ABCC11: variants seen among roughly 807,000 people sequenced by gnomAD.
ABCC11 encodes ATP binding cassette subfamily C member 11, also known as ATP-binding cassette sub-family C member 11.
In ABCC11, 135 loss-of-function variants were observed where a neutral mutation model predicts 149.3. The observed-to-expected ratio is 0.90, with a 90% CI of 0.79 to 1.04. ABCC11 has a LOEUF of 1.04. ABCC11 is among the 50% of genes least tolerant of loss of function. ABCC11 has a pLI of 0.00. For synonymous variants in ABCC11, 665 were observed against 671.4 expected (o/e 0.99, Z 0.15); for missense variants, 1,680 against 1,722.1 (o/e 0.98, Z 0.43).
At chr16:48,231,345 T>C (rs138774792) in intron 2 of ABCC11, among the ~76,000 whole-genome samples, 1 of 151,996 alleles carries the variant, frequency 6.6e-6, no homozygotes, top group Non-Finnish European at 1.5e-5. Context: ...ATTGATCTCA[T>C]TGTGGAAGCC....
intron 23 of ABCC11, among the ~76,000 whole-genome samples, chr16:48,181,286 T>C (rs1346851066): frequency 1.3e-5 from 2 of 152,232 alleles, no homozygotes; most frequent in Non-Finnish European, 2.9e-5. Context: ...AGAGAGAATG[T>C]GAGCCTGTGC....
In ABCC11 at chr16:48,214,911, T is replaced by C; in HGVS notation, c.1218A>G (p.Thr406=). The C allele has an allele frequency of 6.2e-7, 1 of 1,614,180 alleles. No individual in the cohort carries two copies. The highest frequency in any genetic ancestry group is 8.5e-7 in the Non-Finnish European group (1 of 1,180,028). ...ACGCTGTGAGTTTCAGCTTTAAGGA[T>C]GTGTGGATGAGAACCCAGACCGCTG... ...VATAVWVLIH[T]SLKLKLTASM... The change falls in exon 9 of 30, where the codon ACA becomes ACG. Residue 406 remains threonine (T), a synonymous_variant. Transcript: ENST00000356608.
intron 14 of ABCC11, 22 bp from the exon 15 acceptor site, chr16:48,200,501 C>T (rs1435887285): frequency 6.2e-7 from 1 of 1,610,778 alleles, no homozygotes; most frequent in African/African-American, 1.3e-5. Flanking sequence ...CAGTAAAAGG[C>T]ACCATGTCCA....
In ABCC11 at chr16:48,175,329, G is replaced by C. The variant is rs375441848; in HGVS notation, c.3627C>G (p.Ile1209Met). ...ILIDGVDICS[I>M]GLEDLRSKLS... ...GCTTGGACCGCAAGTCCTCCAGGCC[G>C]ATGCTGCAAATGTCCACGCCGTCAA... Residue 1209 changes from isoleucine (I) to methionine (M), a missense_variant, in exon 26 of 30, where the codon ATC becomes ATG. Coordinates refer to ENST00000356608, the MANE Select transcript of ABCC11 (RefSeq NM_001370497.1). 2 of 1,614,050 alleles carry C rather than the reference G, an allele frequency of 1.2e-6. No homozygotes were observed. Among genetic ancestry groups the C allele is most frequent in the African/African-American group, 2.7e-5 (2 of 74,946 alleles).
chr16:48,203,425 T>A, intron 13 of ABCC11, 125 bp from the exon 14 acceptor site: 1 of 772,840 alleles, frequency 1.3e-6, no homozygotes, highest in Non-Finnish European at 2.0e-6. Flanking sequence ...TGTTTAATGG[T>A]ATAACACTGA....
At chr16:48,217,188 G>C (rs1969401803) in intron 6 of ABCC11, among the ~76,000 whole-genome samples, 1 of 152,024 alleles carries the variant, frequency 6.6e-6, no homozygotes, top group Admixed American at 6.5e-5. Flanking sequence ...CCAGAGAATT[G>C]CTTCTATTCT....
chr16:48,221,733 T>G (rs568684610), intron 6 of ABCC11, among the ~76,000 whole-genome samples: 36 of 147,370 alleles, frequency 2.4e-4, no homozygotes, highest in South Asian at 2.1e-3. Flanking sequence ...CAGTAACTAT[T>G]TGGGGTGTGT....
At chr16:48,183,309 G>A (rs897284411) in intron 23 of ABCC11, among the ~76,000 whole-genome samples, 2 of 152,230 alleles carry the variant, frequency 1.3e-5, no homozygotes, top group African/African-American at 4.8e-5. Context: ...CTTCACGGAT[G>A]CCCCTTCTGT....
intron 1 of ABCC11, among the ~76,000 whole-genome samples, chr16:48,237,777 C>T (rs8054117): frequency 0.13 from 19,592 of 152,008 alleles, 1,525 homozygotes; most frequent in African/African-American, 0.23. Context: ...CTCAAACACC[C>T]TAAATTCATT....
In ABCC11 at chr16:48,203,227, C is replaced by T. The variant is rs140932063; in HGVS notation, c.1878+1G>A. On this transcript the variant is annotated splice_donor_variant, in intron 14 of 29. Coordinates refer to ENST00000356608, the MANE Select transcript of ABCC11 (RefSeq NM_001370497.1). LOFTEE classifies it high-confidence loss of function. ...AGAAGGCAGGCTCGCCTCCCTCTCA[C>T]CTCTGTCATGTCTCCAAAGGGCAGA... is the stretch of plus-strand genomic sequence containing the variant. 5.1e-5 allele frequency: 80 copies of T among 1,570,768 alleles called. No homozygotes were observed. In the African/African-American group the frequency reaches 8.4e-4, roughly 16 times the overall value.
intron 1 of ABCC11, among the ~76,000 whole-genome samples, chr16:48,247,031 A>G (rs1971424963): frequency 6.6e-6 from 1 of 152,312 alleles, no homozygotes; most frequent in Non-Finnish European, 1.5e-5. Flanking sequence ...AATCATTTAA[A>G]TTAGAAAACA....
chr16:48,236,597 T>C (rs9934833), intron 1 of ABCC11, among the ~76,000 whole-genome samples: 19,902 of 152,168 alleles, frequency 0.13, 1,614 homozygotes, highest in African/African-American at 0.23. Flanking sequence ...AAATATTCAA[T>C]GGATCAATGA....
intron 4 of ABCC11, among the ~76,000 whole-genome samples, chr16:48,227,605 T>C (rs1268758009): frequency 6.6e-6 from 1 of 152,118 alleles, no homozygotes; most frequent in Non-Finnish European, 1.5e-5. Context: ...CTCCAGCCCG[T>C]ATGTACAAAA....
intron 1 of ABCC11, among the ~76,000 whole-genome samples, chr16:48,239,430 C>CTGAGGCAGGAGAATGT (rs1970847946): frequency 1.3e-5 from 2 of 151,632 alleles, no homozygotes; most frequent in Admixed American, 1.3e-4. Context: ...GGTGTGGTGG[C>CTGAGGCAGGAGAATGT]AGATGCCTGT....
intron 12 of ABCC11, among the ~76,000 whole-genome samples, chr16:48,206,194 G>A (rs1399433194): frequency 6.6e-6 from 1 of 152,198 alleles, no homozygotes; most frequent in Non-Finnish European, 1.5e-5. Flanking sequence ...CTCTGAGCAT[G>A]CCTGGGTATT....
At chr16:48,226,278 T>C (rs1970067071) in intron 4 of ABCC11, among the ~76,000 whole-genome samples, 1 of 148,284 alleles carries the variant, frequency 6.7e-6, no homozygotes, top group Non-Finnish European at 1.5e-5. Flanking sequence ...CCACTTTTTT[T>C]TTTTTTTTTT....
chr16:48,192,053 T>A (rs1454549603), intron 20 of ABCC11, among the ~76,000 whole-genome samples: 1 of 152,106 alleles, frequency 6.6e-6, no homozygotes, highest in Non-Finnish European at 1.5e-5. Context: ...GAGGCCAATG[T>A]GGGAGGATTG....
intron 28 of ABCC11, 45 bp downstream of exon 28, chr16:48,170,060 C>CGTA (rs758188928): frequency 2.0e-6 from 3 of 1,536,482 alleles, no homozygotes; most frequent in Admixed American, 1.7e-5. Flanking sequence ...CCTCATCATG[C>CGTA]GTAGTCTGTG....
intron 23 of ABCC11, 147 bp from the exon 24 acceptor site, chr16:48,178,833 C>T: frequency 7.3e-6 from 5 of 686,278 alleles, no homozygotes; most frequent in Non-Finnish European, 1.2e-5. Flanking sequence ...AGCAGAGGCC[C>T]CTGGTGCCTC....
Sources: allele counts gnomAD v4.1 joint callset (sites outside exome capture counted in the v4.1 genomes callset), GRCh38; gene constraint gnomAD v4.1.1; transcripts MANE v1.5; gene names NCBI Gene and HGNC (gene_info 2026-07-23, HGNC 2026-07-21).